The following SERPINF1 variants were observed in gnomAD, a reference collection of about 807,000 sequenced individuals.
SERPINF1 encodes the protein pigment epithelium-derived factor.
A neutral mutation model predicts 37.3 loss-of-function variants in SERPINF1; 29 were observed. The ratio of observed to expected loss-of-function variants is 0.78; its 90% CI spans 0.58 to 1.06. The LOEUF (loss-of-function observed/expected upper bound fraction) is 1.06. Ranked by LOEUF, SERPINF1 falls within the 50% of genes least tolerant of loss-of-function variation. SERPINF1 has a pLI of 0.00. For synonymous variants in SERPINF1, 281 were observed against 227.9 expected (o/e 1.23, Z -2.10); for missense variants, 553 against 532.2 (o/e 1.04, Z -0.38).
rs1417672953 is a variant in SERPINF1, at chr17:1,771,141, C to T, written c.396C>T (p.Pro132=). ...YKELLDTVTA[P]QKNLKSASRI... ...AGCTCCTTGACACGGTCACTGCCCCCCAGAAGAACCTCAAGAGTGCCTCCC... is the reference window on the plus strand; with the variant it reads ...AGCTCCTTGACACGGTCACTGCCCCTCAGAAGAACCTCAAGAGTGCCTCCC... Residue 132 remains proline, a synonymous_variant, in exon 4 of 8, where the codon CCC becomes CCT. Transcript: ENST00000254722. The T allele has an allele frequency of 1.9e-6, 3 of 1,614,120 alleles. No individual in the cohort carries two copies. Among genetic ancestry groups the T allele is most frequent in the Non-Finnish European group, 1.7e-6 (2 of 1,180,000 alleles).
intron 3 of SERPINF1, 135 bp from the exon 4 acceptor site, chr17:1,770,894 A>T (rs1371724298): frequency 9.0e-7 from 1 of 1,114,878 alleles, no homozygotes; most frequent in Non-Finnish European, 1.4e-6. Context: ...TTGGCCACCT[A>T]GATTGTCTTG....
chr17:1,774,249 G>A (rs1907898035), intron 5 of SERPINF1, among the ~76,000 whole-genome samples: 2 of 152,200 alleles, frequency 1.3e-5, no homozygotes, highest in Non-Finnish European at 2.9e-5. Flanking sequence ...AGGCTGGAGT[G>A]CTGTGGTGTG....
intron 5 of SERPINF1, among the ~76,000 whole-genome samples, chr17:1,772,335 C>T (rs1907800043): frequency 6.6e-6 from 1 of 151,866 alleles, no homozygotes; most frequent in African/African-American, 2.4e-5. Context: ...AGGCTGGTCT[C>T]GAACTCCTGA....
chr17:1,765,068 TC>T (rs1156516664), intron 1 of SERPINF1, among the ~76,000 whole-genome samples: 1 of 151,608 alleles, frequency 6.6e-6, no homozygotes, highest in Non-Finnish European at 1.5e-5. Flanking sequence ...GGTCTCAAAC[TC>T]CTGACCTCAG....
chr17:1,766,695 C>T (rs545393326), intron 1 of SERPINF1: 16 of 558,550 alleles, frequency 2.9e-5, no homozygotes, highest in African/African-American at 4.2e-5. Context: ...GGGGGAGGGG[C>T]GGGAGAACCT....
chr17:1,768,153 C>T (rs908246789), intron 2 of SERPINF1, among the ~76,000 whole-genome samples: 8 of 149,660 alleles, frequency 5.3e-5, no homozygotes, highest in Non-Finnish European at 5.9e-5. Context: ...AGTGAGGGGC[C>T]GGGCGCGGTG....
Position 1,777,293 on chromosome 17 carries a change from G to T in SERPINF1, c.1104G>T (p.Gly368=), listed in dbSNP as rs1218983989. ...CTGGCTTTGAGTGGAACGAGGATGGGGCGGGAACCACCCCCAGCCCAGGGC... is the reference window on the plus strand; with the variant it reads ...CTGGCTTTGAGTGGAACGAGGATGGTGCGGGAACCACCCCCAGCCCAGGGC... ...HRAGFEWNED[G]AGTTPSPGLQ... is the part of the protein sequence containing the mutation. Residue 368 remains glycine, a synonymous_variant, in exon 8 of 8, where the codon GGG becomes GGT. Transcript: ENST00000254722. 5.0e-6 allele frequency: 8 copies of T among 1,614,112 alleles called. No individual in the cohort carries two copies. The highest frequency in any genetic ancestry group is 2.2e-5 in the South Asian group (2 of 91,086).
In SERPINF1 at chr17:1,776,824, C is replaced by T. The variant is rs73295024; in HGVS notation, c.997+82C>T. The T allele has an allele frequency of 7.8e-3, 10,057 of 1,294,476 alleles. 574 individuals are homozygous for T. In the African/African-American group the frequency reaches 0.13, roughly 16 times the overall value. The allele number at this position is 1,294,476 out of a possible 1,614,324, so 80.2% of individuals were successfully genotyped here. On this transcript the variant is annotated intron_variant, in intron 7 of 7. Coordinates refer to ENST00000254722, the MANE Select transcript of SERPINF1 (RefSeq NM_002615.7). ...GGGCCTTCCACTGTGCTAAGCAGAA[C>T]GCAAGGGCTCCACAGGCTTGTAGGG...
chr17:1,774,480 G>C (rs971932241), intron 5 of SERPINF1, among the ~76,000 whole-genome samples: 1 of 152,172 alleles, frequency 6.6e-6, no homozygotes, highest in African/African-American at 2.4e-5. Flanking sequence ...TTACAGATGT[G>C]AGGCACCACA....
At chr17:1,769,157 C>T (rs1249768476) in intron 2 of SERPINF1, among the ~76,000 whole-genome samples, 1 of 151,792 alleles carries the variant, frequency 6.6e-6, no homozygotes, top group Non-Finnish European at 1.5e-5. Flanking sequence ...TGCCTGTAAT[C>T]CCAGCACTTT....
At chr17:1,777,109 C>T in intron 7 of SERPINF1, 78 bp from the exon 8 acceptor site, 3 of 1,609,244 alleles carry the variant, frequency 1.9e-6, no homozygotes, top group Non-Finnish European at 2.5e-6. Flanking sequence ...GCCATCCCAG[C>T]TTGCTTGCAA....
At chr17:1,763,148 G>A (rs1370961596) in intron 1 of SERPINF1, among the ~76,000 whole-genome samples, 1 of 152,182 alleles carries the variant, frequency 6.6e-6, no homozygotes, top group African/African-American at 2.4e-5. Context: ...AATCCCCTCC[G>A]GAGAGCCAGG....
chr17:1,769,620 T>A, intron 2 of SERPINF1: 1 of 579,476 alleles, frequency 1.7e-6, no homozygotes, highest in East Asian at 2.9e-5. Context: ...TAAGACTCTG[T>A]CTCAAATAAA....
chr17:1,775,837 C>T (rs1415979026), intron 6 of SERPINF1, among the ~76,000 whole-genome samples: 1 of 152,246 alleles, frequency 6.6e-6, no homozygotes, highest in African/African-American at 2.4e-5. Context: ...CTTGGCCAAT[C>T]GTTGGCATTC....
At chr17:1,775,328 T>G in intron 6 of SERPINF1, 128 bp downstream of exon 6, 1 of 945,662 alleles carries the variant, frequency 1.1e-6, no homozygotes, top group Non-Finnish European at 1.6e-6. Flanking sequence ...TGTGTGACTT[T>G]GAGCAGGTTA....
At chr17:1,771,216 G>A in intron 4 of SERPINF1, 32 bp downstream of exon 4, 1 of 1,609,850 alleles carries the variant, frequency 6.2e-7, no homozygotes, top group South Asian at 1.1e-5. Flanking sequence ...AGTTGCCTGA[G>A]GCATGTGGGC....
intron 2 of SERPINF1, among the ~76,000 whole-genome samples, chr17:1,768,512 C>A (rs982459245): frequency 6.6e-6 from 1 of 151,652 alleles, no homozygotes; most frequent in African/African-American, 2.4e-5. Flanking sequence ...CTCACTCCAT[C>A]ACCCATGCTG....
intron 2 of SERPINF1, among the ~76,000 whole-genome samples, chr17:1,768,537 G>C (rs571358659): frequency 6.7e-6 from 1 of 148,332 alleles, no homozygotes; most frequent in Non-Finnish European, 1.5e-5. Context: ...ACAGTGGTGC[G>C]ATCTTGGCTC....
intron 2 of SERPINF1, among the ~76,000 whole-genome samples, chr17:1,767,381 A>G (rs1329783007): frequency 6.6e-6 from 1 of 152,098 alleles, no homozygotes; most frequent in Admixed American, 6.6e-5. Context: ...ACCTCAAGTG[A>G]TTCTCCTGCC....
Sources: gnomAD v4.1 joint callset for allele counts (sites outside exome capture counted in the v4.1 genomes callset) on GRCh38, gnomAD v4.1.1 for gene constraint, MANE v1.5 for transcripts, NCBI Gene and HGNC (gene_info 2026-07-23, HGNC 2026-07-21) for gene names.